EXOC6: variants seen among roughly 807,000 people sequenced by gnomAD.
EXOC6 encodes the protein exocyst complex component 6.
In EXOC6, 60 loss-of-function variants were observed where a neutral mutation model predicts 112.5. That is an observed-to-expected ratio of 0.53 (90% confidence interval 0.43 to 0.66). The LOEUF is 0.66. Ranked by LOEUF, EXOC6 falls within the 30% of genes least tolerant of loss-of-function variation. EXOC6 has a pLI of 0.00. For synonymous variants in EXOC6, 295 were observed against 308.0 expected (o/e 0.96, Z 0.44); for missense variants, 855 against 957.1 (o/e 0.89, Z 1.41).
intron 18 of EXOC6, among the ~76,000 whole-genome samples, chr10:92,977,509 A>C (rs562920879): frequency 6.6e-6 from 1 of 152,304 alleles, no homozygotes; most frequent in East Asian, 1.9e-4. Flanking sequence ...CTGAAAAAGG[A>C]AATCTATAAA....
intron 20 of EXOC6, among the ~76,000 whole-genome samples, chr10:93,054,273 G>GTGA (rs1661792010): frequency 6.6e-6 from 1 of 152,118 alleles, no homozygotes; most frequent in African/African-American, 2.4e-5. Context: ...TATCTAGCAC[G>GTGA]TGATAGGTGG....
chr10:92,852,819 G>C (rs534011131), intron 1 of EXOC6, among the ~76,000 whole-genome samples: 1 of 152,282 alleles, frequency 6.6e-6, no homozygotes, highest in East Asian at 1.9e-4. Context: ...TTAGTGGTAA[G>C]AGTCTGAATG....
intron 1 of EXOC6, among the ~76,000 whole-genome samples, chr10:92,888,967 G>A (rs1263268993): frequency 2.0e-5 from 3 of 152,152 alleles, no homozygotes; most frequent in Non-Finnish European, 4.4e-5. Context: ...TTACTCATTT[G>A]TGAAAAAGAG....
At chr10:93,019,930 G>A (rs1039896306) in intron 20 of EXOC6, among the ~76,000 whole-genome samples, 9 of 152,100 alleles carry the variant, frequency 5.9e-5, no homozygotes, top group African/African-American at 1.9e-4. Flanking sequence ...AGTGAAGTCC[G>A]TTTTTAAAAA....
intron 21 of EXOC6, among the ~76,000 whole-genome samples, chr10:93,057,966 T>G (rs1846622550): frequency 1.3e-5 from 2 of 152,190 alleles, no homozygotes; most frequent in South Asian, 4.1e-4. Context: ...AATAGTATGA[T>G]AGTAGTAAAC....
intron 15 of EXOC6, among the ~76,000 whole-genome samples, chr10:92,952,602 G>C (rs1853482899): frequency 6.6e-6 from 1 of 152,032 alleles, no homozygotes; most frequent in South Asian, 2.1e-4. Flanking sequence ...TTCAACCCCT[G>C]CCTCCCCTTC....
chr10:92,837,771 C>T (rs4933240), intron 1 of EXOC6, among the ~76,000 whole-genome samples: 33,902 of 151,986 alleles, frequency 0.22, 5,265 homozygotes, highest in East Asian at 0.67. Context: ...CTTGAGGCCC[C>T]GGAATGAACA....
rs778174711 is a variant in EXOC6, at chr10:92,934,127, T to C, written c.973-17T>C. The C allele has an allele frequency of 7.5e-6, 11 of 1,473,824 alleles. No homozygotes were observed. The South Asian group carries it at 1.2e-4, about 16-fold the overall frequency. The allele number at this position is 1,473,824 out of a possible 1,614,324, so 91.3% of individuals were successfully genotyped here. A position where few individuals can be genotyped will look rare whatever the true frequency, so the allele number is the denominator to read the frequency against. ...AGTATTTATTGGTTTAAATTGATTTTTATTTTTCATTTTAAGCATGAAACA... is the reference window on the plus strand; with the variant it reads ...AGTATTTATTGGTTTAAATTGATTTCTATTTTTCATTTTAAGCATGAAACA... On this transcript the variant is annotated splice_polypyrimidine_tract_variant and intron_variant, in intron 9 of 21. Coordinates refer to ENST00000260762, the MANE Select transcript of EXOC6 (RefSeq NM_019053.6).
At chr10:92,833,512 GACAAATACTGTGCCC>G (rs1381844536), upstream of EXOC6, among the ~76,000 whole-genome samples, 3 of 152,138 alleles carry the variant, frequency 2.0e-5, no homozygotes, top group African/African-American at 7.2e-5. Context: ...GTCATGGGAC[GACAAATACTGTGCCC>G]ACAGTGAAGT....
At chr10:92,893,230 G>T in intron 1 of EXOC6, 119 bp from the exon 2 acceptor site, 1 of 656,836 alleles carries the variant, frequency 1.5e-6, no homozygotes, top group Non-Finnish European at 2.5e-6. Flanking sequence ...TCTGCTAAAG[G>T]TAATATTATC....
chr10:93,005,102 CAG>C (rs1166334229), intron 19 of EXOC6, among the ~76,000 whole-genome samples: 1 of 152,118 alleles, frequency 6.6e-6, no homozygotes, highest in Non-Finnish European at 1.5e-5. Flanking sequence ...AGTGGGGAAA[CAG>C]TAATTAATAA....
At position 92,896,173 on chromosome 10, in the gene EXOC6, ATATATATATTTTTTTTTTTTTTTT is replaced by A. The variant is rs1849796567; in HGVS notation, c.412+1155_412+1178del. On this transcript the variant is annotated intron_variant, in intron 4 of 21. Transcript: ENST00000260762. ...TATATATATATATATATATATATAT[ATATATATATTTTTTTTTTTTTTTT>A]TTTTTTTTTTTTTTTTTTTTGGCGG... Among the ~76,000 whole-genome samples, 28 of 23,806 alleles carry A rather than the reference ATATATATATTTTTTTTTTTTTTTT, an allele frequency of 1.2e-3. 2 individuals are homozygous for A. The East Asian group carries it at 0.022, about 19-fold the overall frequency. The allele number at this position is 23,806 out of a possible 152,430, so 15.6% of individuals were successfully genotyped here.
chr10:92,892,337 T>C (rs1849547192), intron 1 of EXOC6, among the ~76,000 whole-genome samples: 1 of 152,222 alleles, frequency 6.6e-6, no homozygotes, highest in Admixed American at 6.5e-5. Flanking sequence ...AGTGGAATTG[T>C]GGACAGCACT....
intron 7 of EXOC6, among the ~76,000 whole-genome samples, chr10:92,918,766 A>T (rs890430261): frequency 6.6e-6 from 1 of 152,138 alleles, no homozygotes; most frequent in African/African-American, 2.4e-5. Flanking sequence ...GAGGTGATAC[A>T]TATGTACATA....
intron 12 of EXOC6, among the ~76,000 whole-genome samples, chr10:92,936,538 T>C (rs1360775880): frequency 6.6e-6 from 1 of 152,244 alleles, no homozygotes; most frequent in Non-Finnish European, 1.5e-5. Context: ...GAGGTTGCAG[T>C]GAGCCGAGAT....
At chr10:92,886,048 CTG>C (rs898340894) in intron 1 of EXOC6, among the ~76,000 whole-genome samples, 6 of 152,026 alleles carry the variant, frequency 3.9e-5, no homozygotes, top group African/African-American at 1.2e-4. Flanking sequence ...TTTTGGGAGA[CTG>C]AAAGAACGAA....
rs536988241 is a variant in EXOC6 at position 92,863,298 on chromosome 10, A to C, written c.101+14664A>C. Among the ~76,000 whole-genome samples the C allele has an allele frequency of 2.0e-5, 3 of 152,354 alleles. No individual in the cohort carries two copies. The South Asian group carries it at 6.2e-4, about 32-fold the overall frequency. On this transcript the variant is annotated intron_variant, in intron 1 of 21. Transcript: ENST00000260762. ...GTTAGTACATTTTTTACCTATAGAC[A>C]TTTAATCTAGGAAGGCTAAGCATCT...
chr10:92,885,720 A>C (rs1404262255), intron 1 of EXOC6, among the ~76,000 whole-genome samples: 1 of 152,116 alleles, frequency 6.6e-6, no homozygotes, highest in East Asian at 1.9e-4. Flanking sequence ...CTTCTGTCTG[A>C]GTTGCATTAA....
At chr10:93,036,694 G>A (rs1021551245) in intron 20 of EXOC6, among the ~76,000 whole-genome samples, 18 of 152,250 alleles carry the variant, frequency 1.2e-4, no homozygotes, top group Admixed American at 3.3e-4. Context: ...AAAGAGATAC[G>A]TAACTTGGCA....
Sources: gnomAD v4.1 joint callset for allele counts (sites outside exome capture counted in the v4.1 genomes callset) on GRCh38, gnomAD v4.1.1 for gene constraint, MANE v1.5 for transcripts, NCBI Gene and HGNC (gene_info 2026-07-23, HGNC 2026-07-21) for gene names.